PRSS48: variants seen among roughly 807,000 people sequenced by gnomAD.
The protein encoded by PRSS48 is epidermis-specific serine protease-like protein.
Under a neutral mutation model 25.6 loss-of-function variants are expected in PRSS48, and 21 were observed. The ratio of observed to expected loss-of-function variants is 0.82; its 90% CI spans 0.58 to 1.18. PRSS48 has a LOEUF of 1.18. Among genes scored for constraint, PRSS48 ranks in the 50% most tolerant of loss-of-function variants. PRSS48 has a pLI of 0.00. For synonymous variants in PRSS48, 150 were observed against 149.3 expected (o/e 1.00, Z -0.04); for missense variants, 373 against 399.3 (o/e 0.93, Z 0.56).
chr4:151,286,450 C>T (rs1290630445), intron 4 of PRSS48, among the ~76,000 whole-genome samples: 1 of 151,114 alleles, frequency 6.6e-6, no homozygotes, highest in Non-Finnish European at 1.5e-5. Context: ...ATTTGTAACA[C>T]ACTACTATGA....
chr4:151,278,419 G>A (rs55886318), intron 1 of PRSS48, among the ~76,000 whole-genome samples: 1 of 149,238 alleles, frequency 6.7e-6, no homozygotes, highest in Non-Finnish European at 1.5e-5. Flanking sequence ...AGGTGTGGTT[G>A]AACCACACCT....
At chr4:151,283,798 C>T (rs1774481308) in intron 4 of PRSS48, among the ~76,000 whole-genome samples, 1 of 152,072 alleles carries the variant, frequency 6.6e-6, no homozygotes, top group African/African-American at 2.4e-5. Flanking sequence ...TTTTATAGAC[C>T]TGTATATTTT....
chr4:151,280,987 T>C (rs756341479), intron 2 of PRSS48, among the ~76,000 whole-genome samples: 4 of 151,858 alleles, frequency 2.6e-5, no homozygotes, highest in Non-Finnish European at 5.9e-5. Flanking sequence ...CAAGAAGCCA[T>C]AGGAGAATCT....
chr4:151,282,448 G>A (rs758150734), intron 3 of PRSS48, 35 bp downstream of exon 3: 9 of 1,608,396 alleles, frequency 5.6e-6, no homozygotes, highest in Non-Finnish European at 6.8e-6. Context: ...TGTTTCATAT[G>A]TCATCCTCTT....
chr4:151,285,772 C>G (rs1774689910), intron 4 of PRSS48, among the ~76,000 whole-genome samples: 1 of 151,900 alleles, frequency 6.6e-6, no homozygotes. Context: ...GAGACTGGGG[C>G]AGGAGGATCC....
chr4:151,283,945 A>G (rs532981963), intron 4 of PRSS48, among the ~76,000 whole-genome samples: 67 of 152,180 alleles, frequency 4.4e-4, no homozygotes, highest in Non-Finnish European at 8.5e-4. Context: ...CATTATTTGC[A>G]TCGTCATTCC....
At chr4:151,280,117 G>C (rs1774066242) in intron 2 of PRSS48, among the ~76,000 whole-genome samples, 159 bp downstream of exon 2, 1 of 152,226 alleles carries the variant, frequency 6.6e-6, no homozygotes, top group Admixed American at 6.5e-5. Flanking sequence ...CTAGAGACAG[G>C]GCATAGAAGT....
At chr4:151,279,921 G>A (rs1561425975) in exon 2 of PRSS48, 1 of 1,613,620 alleles carries the variant, frequency 6.2e-7, no homozygotes. Flanking sequence ...CCTCGTCAGT[G>A]AGAGGTTGAT....
At chr4:151,277,670 C>T (rs966348000) in intron 1 of PRSS48, among the ~76,000 whole-genome samples, 1 of 152,064 alleles carries the variant, frequency 6.6e-6, no homozygotes, top group Admixed American at 6.5e-5. Context: ...GCAGAGGGAA[C>T]TGGAAGAGCA....
intron 3 of PRSS48, 49 bp from the exon 4 acceptor site, chr4:151,283,068 T>C: frequency 6.3e-7 from 1 of 1,579,282 alleles, no homozygotes. Context: ...ATGCTGCCCC[T>C]GCACTTTTCT....
At chr4:151,285,466 A>C (rs1352382306) in intron 4 of PRSS48, among the ~76,000 whole-genome samples, 1 of 152,228 alleles carries the variant, frequency 6.6e-6, no homozygotes, top group Non-Finnish European at 1.5e-5. Flanking sequence ...GGAAATTCAC[A>C]AATATGTGGA....
chr4:151,278,275 T>C (rs1773842569), intron 1 of PRSS48, among the ~76,000 whole-genome samples: 1 of 148,784 alleles, frequency 6.7e-6, no homozygotes, highest in Non-Finnish European at 1.5e-5. Context: ...TCATAGAGCA[T>C]TTTTTTTTTA....
intron 4 of PRSS48, among the ~76,000 whole-genome samples, chr4:151,285,411 C>T (rs1188930911): frequency 6.6e-6 from 1 of 152,076 alleles, no homozygotes. Flanking sequence ...ATTATATTTT[C>T]TAATCACAAT....
chr4:151,277,273 A>G, intron 1 of PRSS48, 49 bp downstream of exon 1: 2 of 1,399,884 alleles, frequency 1.4e-6, no homozygotes, highest in East Asian at 2.5e-5. Flanking sequence ...GATTTTTACT[A>G]AAGAGGGCAT....
intron 4 of PRSS48, among the ~76,000 whole-genome samples, chr4:151,288,692 A>C (rs971939041): frequency 5.3e-5 from 8 of 152,172 alleles, no homozygotes; most frequent in African/African-American, 1.9e-4. Context: ...AAGAAAAAAG[A>C]AAAAAGCAAC....
intron 4 of PRSS48, among the ~76,000 whole-genome samples, chr4:151,283,509 T>A: frequency 1.2e-4 from 1 of 8,552 alleles, no homozygotes; most frequent in South Asian, 2.0e-3. Context: ...GTCATTGGAC[T>A]TTTTTTTTTT....
At chr4:151,286,145 T>C (rs11729901) in intron 4 of PRSS48, among the ~76,000 whole-genome samples, 46,481 of 132,318 alleles carry the variant, frequency 0.35, 9,086 homozygotes, top group Non-Finnish European at 0.45. Context: ...TGCACCACTG[T>C]GCTCCAGGCT....
At chr4:151,281,647 G>C (rs1325290493) in intron 2 of PRSS48, among the ~76,000 whole-genome samples, 1 of 151,152 alleles carries the variant, frequency 6.6e-6, no homozygotes, top group African/African-American at 2.4e-5. Flanking sequence ...TTTGAACTGA[G>C]GGTGGTGGGG....
exon 1 of PRSS48, chr4:151,277,185 G>A: frequency 6.7e-7 from 1 of 1,495,784 alleles, no homozygotes; most frequent in East Asian, 2.5e-5. Flanking sequence ...GGGCCCTGCT[G>A]GCTGTGCCTT....
Sources: gnomAD v4.1 joint callset for allele counts (sites outside exome capture counted in the v4.1 genomes callset) on GRCh38, gnomAD v4.1.1 for gene constraint, MANE v1.5 for transcripts, NCBI Gene and HGNC (gene_info 2026-07-23, HGNC 2026-07-21) for gene names.